GALNT13: variants seen among roughly 807,000 people sequenced by gnomAD.
GALNT13 encodes the protein polypeptide N-acetylgalactosaminyltransferase 13.
GALNT13 carries 28 observed loss-of-function variants against 64.2 expected under a neutral mutation model. The observed-to-expected ratio is 0.44, with a 90% confidence interval of 0.32 to 0.60. The LOEUF (loss-of-function observed/expected upper bound fraction) is 0.60. GALNT13 is among the 20% of genes least tolerant of loss of function. GALNT13 has a pLI of 0.05. For synonymous variants in GALNT13, 214 were observed against 224.6 expected (o/e 0.95, Z 0.42); for missense variants, 577 against 669.8 (o/e 0.86, Z 1.53).
chr2:153,785,799 G>A, the GALNT13 span, among the ~76,000 whole-genome samples: 3 of 152,114 alleles, frequency 2.0e-5, no homozygotes, highest in African/African-American at 2.4e-5. Flanking sequence ...CAGTGTGGGC[G>A]TGGGGGATGC....
the GALNT13 span, among the ~76,000 whole-genome samples, chr2:153,184,983 A>G: frequency 6.6e-6 from 1 of 152,298 alleles, no homozygotes; most frequent in Non-Finnish European, 1.5e-5. Context: ...TCATCAAATG[A>G]GTTAAGGAAG....
At chr2:153,666,993 A>C in the GALNT13 span, among the ~76,000 whole-genome samples, 1 of 152,248 alleles carries the variant, frequency 6.6e-6, no homozygotes, top group Non-Finnish European at 1.5e-5. Context: ...ATTTTATAAT[A>C]CAATTAGTAT....
chr2:153,885,604 G>A (rs1202860523), intron 1 of GALNT13, among the ~76,000 whole-genome samples: 1 of 152,006 alleles, frequency 6.6e-6, no homozygotes, highest in East Asian at 1.9e-4. Flanking sequence ...CCAGATAGAG[G>A]CAGTACATTT....
chr2:153,190,885 TG>T, the GALNT13 span, among the ~76,000 whole-genome samples: 1 of 152,146 alleles, frequency 6.6e-6, no homozygotes, highest in Non-Finnish European at 1.5e-5. Context: ...AGTTCATTAT[TG>T]GTATATATAA....
chr2:154,072,936 A>G (rs1700807061), intron 3 of GALNT13, among the ~76,000 whole-genome samples: 1 of 152,044 alleles, frequency 6.6e-6, no homozygotes. Context: ...TCAGGATATT[A>G]ATGTGGCCTA....
intron 2 of GALNT13, among the ~76,000 whole-genome samples, chr2:153,923,472 G>A (rs1272169095): frequency 6.6e-6 from 1 of 152,006 alleles, no homozygotes; most frequent in Non-Finnish European, 1.5e-5. Flanking sequence ...TTAACAGGGA[G>A]AGTATTTTCT....
At chr2:154,249,566 A>G (rs1355902161) in intron 7 of GALNT13, among the ~76,000 whole-genome samples, 1 of 152,196 alleles carries the variant, frequency 6.6e-6, no homozygotes, top group Non-Finnish European at 1.5e-5. Context: ...TAGATTTTTT[A>G]AATGAAAAAC....
the GALNT13 span, among the ~76,000 whole-genome samples, chr2:153,108,839 A>T: frequency 6.6e-6 from 1 of 152,168 alleles, no homozygotes; most frequent in Non-Finnish European, 1.5e-5. Flanking sequence ...TCATTTCTGG[A>T]TGCTCCAGGT....
the GALNT13 span, among the ~76,000 whole-genome samples, chr2:153,489,350 A>G: frequency 1.8e-3 from 274 of 152,318 alleles, no homozygotes; most frequent in African/African-American, 6.0e-3. Context: ...TTCTTTATAT[A>G]TTACCCAGTC....
the GALNT13 span, among the ~76,000 whole-genome samples, chr2:153,794,922 T>C: frequency 6.6e-6 from 1 of 152,242 alleles, no homozygotes; most frequent in Non-Finnish European, 1.5e-5. Context: ...CATTCATATC[T>C]GGTAAAGAAA....
chr2:153,694,142 A>C, the GALNT13 span, among the ~76,000 whole-genome samples: 1 of 152,156 alleles, frequency 6.6e-6, no homozygotes, highest in Non-Finnish European at 1.5e-5. Flanking sequence ...TCGTGAAATT[A>C]CTGCTATCTG....
At chr2:154,176,548 G>T (rs544301970) in intron 4 of GALNT13, among the ~76,000 whole-genome samples, 1 of 151,708 alleles carries the variant, frequency 6.6e-6, no homozygotes, top group Non-Finnish European at 1.5e-5. Context: ...CACCACACCC[G>T]GCCTAGAACA....
chr2:154,224,699 G>T (rs1236622851), intron 4 of GALNT13, among the ~76,000 whole-genome samples: 3 of 151,934 alleles, frequency 2.0e-5, no homozygotes, highest in East Asian at 1.9e-4. Flanking sequence ...GAAACAACTG[G>T]TTTATCATTT....
rs555470573 is a variant in GALNT13, at chr2:154,045,765, G to A, written c.143-94572G>A. The stretch of plus-strand genomic sequence containing the variant: ...GAAAAAACAAACAAACCCTTCCTCC[G>A]CTCACCAAACGAAGCAATAACAAAC... On this transcript the variant is annotated intron_variant, in intron 3 of 12. Coordinates refer to ENST00000392825, the MANE Select transcript of GALNT13 (RefSeq NM_052917.4). 2.0e-5 allele frequency among the ~76,000 whole-genome samples: 3 copies of A among 152,166 alleles called. No individual in the cohort carries two copies. The East Asian group carries it at 5.8e-4, about 29-fold the overall frequency.
chr2:154,151,495 C>T (rs546163209), intron 4 of GALNT13, among the ~76,000 whole-genome samples: 93 of 152,194 alleles, frequency 6.1e-4, no homozygotes, highest in South Asian at 3.7e-3. Flanking sequence ...TGTTAACTTT[C>T]TGTCTCGTTG....
At chr2:153,331,150 C>T in the GALNT13 span, among the ~76,000 whole-genome samples, 1 of 151,966 alleles carries the variant, frequency 6.6e-6, no homozygotes, top group South Asian at 2.1e-4. Flanking sequence ...AATAACTTTT[C>T]AAATTGCTGT....
chr2:154,324,551 T>C (rs1694785278), intron 9 of GALNT13, among the ~76,000 whole-genome samples: 1 of 152,124 alleles, frequency 6.6e-6, no homozygotes, highest in Admixed American at 6.6e-5. Flanking sequence ...ATAGGGTAGG[T>C]TGATTTGCAT....
intron 11 of GALNT13, chr2:154,436,725 T>C (rs1233485977): frequency 6.6e-6 from 1 of 152,194 alleles, no homozygotes; most frequent in African/African-American, 2.4e-5. Context: ...CCATATGTTC[T>C]TCATAAAAAA....
At chr2:154,239,655 C>T (rs1474555518) in intron 4 of GALNT13, among the ~76,000 whole-genome samples, 1 of 152,080 alleles carries the variant, frequency 6.6e-6, no homozygotes, top group African/African-American at 2.4e-5. Context: ...ACAATAAATC[C>T]AACTACTTTT....
Sources: gnomAD v4.1 joint callset for allele counts (sites outside exome capture counted in the v4.1 genomes callset) on GRCh38, gnomAD v4.1.1 for gene constraint, MANE v1.5 for transcripts, NCBI Gene and HGNC (gene_info 2026-07-23, HGNC 2026-07-21) for gene names.